NFATC1: variants seen among roughly 807,000 people sequenced by gnomAD.
The protein encoded by NFATC1 is nuclear factor of activated T cells 1.
NFATC1 carries 22 observed loss-of-function variants against 76.0 expected under a neutral mutation model. The ratio of observed to expected loss-of-function variants is 0.29; its 90% CI spans 0.21 to 0.41. The LOEUF is 0.41. Among genes scored for constraint, NFATC1 ranks in the 10% least tolerant of loss-of-function variants. NFATC1 has a pLI of 1.00. For synonymous variants in NFATC1, 704 were observed against 613.1 expected, an observed-to-expected ratio of 1.15 and a Z score of -2.19; for missense variants, 1,357 against 1,337.7, an observed-to-expected ratio of 1.01 and a Z score of -0.23.
chr18:79,448,748 G>A, intron 3 of NFATC1, 34 bp from the exon 4 acceptor site: 2 of 1,597,692 alleles, frequency 1.3e-6, no homozygotes, highest in African/African-American at 1.3e-5. Context: ...CTGTGCTCTG[G>A]GTGCTGAGCA....
intron 9 of NFATC1, among the ~76,000 whole-genome samples, chr18:79,501,757 C>T (rs1012321706): frequency 2.6e-5 from 4 of 152,128 alleles, no homozygotes; most frequent in Admixed American, 1.3e-4. Flanking sequence ...AGGAAAAATT[C>T]CTATCTACGA....
intron 1 of NFATC1, chr18:79,400,614 C>T (rs989166563): frequency 2.9e-5 from 22 of 760,988 alleles, no homozygotes; most frequent in Admixed American, 4.5e-5. Context: ...GGGGCTACGG[C>T]GGGGGACGCT....
chr18:79,524,888 G>C lies in NFATC1; in HGVS notation c.2783-2640G>C, dbSNP rs1376464381. The stretch of plus-strand genomic sequence containing the variant: ...GCCCTCCTGTGCCCGCGGGGAACAA[G>C]ACGGCTCTCGGCGGCCATGCAGGCG... On this transcript the variant is annotated intron_variant, in intron 9 of 9. Transcript: ENST00000427363. The surrounding 1 kb of genome is among the most constrained non-coding windows in gnomAD (Gnocchi z 7.2). Among the ~76,000 whole-genome samples, 3 of 151,958 alleles carry C rather than the reference G, an allele frequency of 2.0e-5. No individual in the cohort carries two copies. The highest frequency in any genetic ancestry group is 2.0e-4 in the Admixed American group (3 of 15,268).
At chr18:79,423,106 G>T (rs2086157386) in intron 2 of NFATC1, among the ~76,000 whole-genome samples, 1 of 151,686 alleles carries the variant, frequency 6.6e-6, no homozygotes, top group South Asian at 2.1e-4. Context: ...GAGGGTTGGG[G>T]CGCGTACAGA....
chr18:79,433,213 G>A (rs1029844177), intron 2 of NFATC1, among the ~76,000 whole-genome samples: 6 of 152,338 alleles, frequency 3.9e-5, no homozygotes, highest in African/African-American at 1.2e-4. Flanking sequence ...ATAGCGAGGA[G>A]AGGTTTGAGC....
chr18:79,398,322 T>C (rs949685223), intron 1 of NFATC1, among the ~76,000 whole-genome samples: 2 of 152,144 alleles, frequency 1.3e-5, no homozygotes, highest in African/African-American at 4.8e-5. Flanking sequence ...TTCACAGCGT[T>C]GTTTCCCAGC....
chr18:79,403,608 G>A (rs763854145), intron 1 of NFATC1, among the ~76,000 whole-genome samples: 1 of 152,260 alleles, frequency 6.6e-6, no homozygotes, highest in Non-Finnish European at 1.5e-5. Context: ...GAGGAAATTG[G>A]CCAAGGCCTC....
At chr18:79,520,646 GTCGGGGGGGGCATCCACTGA>G (rs1569052541) in intron 9 of NFATC1, among the ~76,000 whole-genome samples, 1 of 58,588 alleles carries the variant, frequency 1.7e-5, no homozygotes. Context: ...GTGTCTGTGT[GTCGGGGGGGGCATCCACTGA>G]TGTGTGTGTC....
chr18:79,501,271 A>G (rs1255475073), intron 9 of NFATC1, among the ~76,000 whole-genome samples: 2 of 152,236 alleles, frequency 1.3e-5, no homozygotes, highest in East Asian at 3.8e-4. Flanking sequence ...ATTTAACAAA[A>G]TCCAACACCA....
intron 8 of NFATC1, among the ~76,000 whole-genome samples, chr18:79,476,204 C>T (rs2089060064): frequency 6.6e-6 from 1 of 152,226 alleles, no homozygotes; most frequent in South Asian, 2.1e-4. Context: ...GCGACGCCAG[C>T]CGCGCGCCTG....
At chr18:79,453,901 C>T (rs1055929507) in intron 6 of NFATC1, among the ~76,000 whole-genome samples, 18 of 152,248 alleles carry the variant, frequency 1.2e-4, no homozygotes, top group African/African-American at 3.9e-4. Context: ...GCTTCTCAGG[C>T]GGGAGCCGTT....
At chr18:79,518,710 G>A (rs991518872) in intron 9 of NFATC1, among the ~76,000 whole-genome samples, 5 of 152,164 alleles carry the variant, frequency 3.3e-5, no homozygotes, top group Non-Finnish European at 7.3e-5. Flanking sequence ...TGACCTGACC[G>A]CCCAGTCCTG....
At chr18:79,513,009 G>A (rs1325542152) in intron 9 of NFATC1, among the ~76,000 whole-genome samples, 1 of 152,250 alleles carries the variant, frequency 6.6e-6, no homozygotes, top group Non-Finnish European at 1.5e-5. Flanking sequence ...GCCTGGCAGA[G>A]AATTTCGCTA....
At chr18:79,398,423 A>T (rs544805217) in intron 1 of NFATC1, among the ~76,000 whole-genome samples, 269 of 152,336 alleles carry the variant, frequency 1.8e-3, no homozygotes, top group Middle Eastern at 6.8e-3. Flanking sequence ...CTCTGGGAGG[A>T]TGCGTCCAAG....
intron 2 of NFATC1, chr18:79,422,049 G>A (rs1329609023): frequency 6.6e-6 from 1 of 152,184 alleles, no homozygotes; most frequent in Non-Finnish European, 1.5e-5. Context: ...GTAGCTCCAA[G>A]TATTACCCGT....
At chr18:79,513,981 C>T (rs1412306830) in intron 9 of NFATC1, among the ~76,000 whole-genome samples, 1 of 152,204 alleles carries the variant, frequency 6.6e-6, no homozygotes, top group East Asian at 1.9e-4. Flanking sequence ...GCTTCAGGCT[C>T]CTGTGAAGGC....
chr18:79,433,516 C>A (rs1036337819), intron 2 of NFATC1, 63 bp from the exon 3 acceptor site: 17 of 1,598,638 alleles, frequency 1.1e-5, no homozygotes, highest in Non-Finnish European at 1.4e-5. Flanking sequence ...TGAGCACGGG[C>A]ACGTGTGGCC....
chr18:79,517,138 T>C (rs1391273184), intron 9 of NFATC1, among the ~76,000 whole-genome samples: 1 of 152,240 alleles, frequency 6.6e-6, no homozygotes, highest in Non-Finnish European at 1.5e-5. Context: ...TTGGGAGACA[T>C]CTTAGAAGTT....
At chr18:79,474,461 CGTT>C (rs1332367202) in intron 8 of NFATC1, among the ~76,000 whole-genome samples, 26 of 149,024 alleles carry the variant, frequency 1.7e-4, no homozygotes, top group Middle Eastern at 3.8e-3. Context: ...TCACTGTCGA[CGTT>C]GTAAACCTGA....
Sources: gnomAD v4.1 joint callset for allele counts (sites outside exome capture counted in the v4.1 genomes callset) on GRCh38, gnomAD v4.1.1 for gene constraint, Gnocchi (gnomAD v3.1) non-coding constraint, MANE v1.5 for transcripts, NCBI Gene and HGNC (gene_info 2026-07-23, HGNC 2026-07-21) for gene names.